Variants in RBFOX1 observed in about 807,000 individuals in gnomAD.
RBFOX1 encodes the protein RNA binding fox-1 homolog 1, also known as RNA binding protein fox-1 homolog 1.
In RBFOX1, 8 loss-of-function variants were observed where a neutral mutation model predicts 57.7. The observed-to-expected ratio is 0.14, with a 90% confidence interval of 0.08 to 0.25. RBFOX1 has a LOEUF of 0.25. Ranked by LOEUF, RBFOX1 falls within the 10% of genes least tolerant of loss-of-function variation. The pLI is 1.00. For synonymous variants in RBFOX1, 326 were observed against 222.4 expected (o/e 1.47, Z -4.15); for missense variants, 611 against 548.5 (o/e 1.11, Z -1.14).
At chr16:6,193,772 C>T (rs2097162389) in intron 1 of RBFOX1, among the ~76,000 whole-genome samples, 1 of 152,000 alleles carries the variant, frequency 6.6e-6, no homozygotes, top group Non-Finnish European at 1.5e-5. Context: ...CTGTTTTACC[C>T]TCCCCACTGG....
chr16:5,833,519 A>AGAAATCT, intron 3 of RBFOX1, among the ~76,000 whole-genome samples: 1 of 151,716 alleles, frequency 6.6e-6, no homozygotes, highest in South Asian at 2.1e-4. Flanking sequence ...AAAAAAAGAA[A>AGAAATCT]GAAATCTGTA....
At chr16:5,896,842 G>A (rs904795251) in intron 4 of RBFOX1, among the ~76,000 whole-genome samples, 1 of 152,006 alleles carries the variant, frequency 6.6e-6, no homozygotes, top group Non-Finnish European at 1.5e-5. Context: ...AGCATCAACA[G>A]CATCACTATA....
At chr16:5,576,051 A>G (rs1299784145) in intron 2 of RBFOX1, among the ~76,000 whole-genome samples, 7 of 151,960 alleles carry the variant, frequency 4.6e-5, no homozygotes, top group African/African-American at 1.7e-4. Context: ...CAGTGGTGCA[A>G]TCTTGGCTTA....
At chr16:6,251,250 C>T (rs994181652) in intron 1 of RBFOX1, among the ~76,000 whole-genome samples, 1 of 152,116 alleles carries the variant, frequency 6.6e-6, no homozygotes, top group African/African-American at 2.4e-5. Context: ...ACAAAACAAA[C>T]CCCAGAGAGT....
At chr16:6,497,720 C>A (rs1269567128) in intron 2 of RBFOX1, among the ~76,000 whole-genome samples, 9 of 151,914 alleles carry the variant, frequency 5.9e-5, no homozygotes, top group African/African-American at 2.2e-4. Flanking sequence ...CCATGCCTGG[C>A]TAATTTTTGT....
At position 6,070,739 on chromosome 16, in the gene RBFOX1, A is replaced by T. The variant is rs147672945; in HGVS notation, c.-127+50747A>T. 2.6e-4 allele frequency among the ~76,000 whole-genome samples: 40 copies of T among 152,190 alleles called. No individual in the cohort carries two copies. The East Asian group carries it at 7.5e-3, about 29-fold the overall frequency. ...TTTTGACCCTTTATCATTGCAATTC[A>T]TAATAAATGTATTTTTTGTCCTCTA... is the stretch of plus-strand genomic sequence containing the variant. On this transcript the variant is annotated intron_variant, in intron 1 of 15. Coordinates refer to ENST00000550418, the MANE Select transcript of RBFOX1 (RefSeq NM_018723.4).
chr16:6,950,437 G>C (rs1234381371), intron 3 of RBFOX1, among the ~76,000 whole-genome samples: 2 of 152,122 alleles, frequency 1.3e-5, no homozygotes, highest in Non-Finnish European at 2.9e-5. Flanking sequence ...TGATTCAGCA[G>C]TTTGGTATCC....
intron 4 of RBFOX1, among the ~76,000 whole-genome samples, chr16:7,459,972 G>A (rs1167998881): frequency 6.6e-6 from 1 of 152,052 alleles, no homozygotes; most frequent in Non-Finnish European, 1.5e-5. Context: ...ACAAGTAATT[G>A]AAAATGGAAA....
At chr16:6,502,793 G>A (rs909530257) in intron 2 of RBFOX1, among the ~76,000 whole-genome samples, 5 of 152,134 alleles carry the variant, frequency 3.3e-5, no homozygotes, top group African/African-American at 1.2e-4. Flanking sequence ...AGACATGGAT[G>A]TAAGATACTT....
At chr16:5,350,043 A>G (rs994670878) in intron 1 of RBFOX1, among the ~76,000 whole-genome samples, 3 of 152,254 alleles carry the variant, frequency 2.0e-5, no homozygotes, top group Non-Finnish European at 2.9e-5. Context: ...CTTTAATAGA[A>G]CTGGCGCTTG....
chr16:7,174,184 C>CTT (rs142061515), intron 4 of RBFOX1, among the ~76,000 whole-genome samples: 3 of 150,248 alleles, frequency 2.0e-5, no homozygotes, highest in African/African-American at 4.9e-5. Flanking sequence ...CCATGATAAA[C>CTT]TTTTTTTTTT....
At chr16:6,707,377 C>T (rs1325341326) in intron 3 of RBFOX1, among the ~76,000 whole-genome samples, 2 of 151,798 alleles carry the variant, frequency 1.3e-5, no homozygotes, top group East Asian at 1.9e-4. Context: ...ATGTTAAAAA[C>T]ATCATTTTAG....
intron 2 of RBFOX1, among the ~76,000 whole-genome samples, chr16:5,544,041 C>A (rs1442110978): frequency 1.3e-5 from 2 of 152,174 alleles, no homozygotes; most frequent in African/African-American, 4.8e-5. Flanking sequence ...TGCAAATGAC[C>A]TGAACAATGT....
intron 2 of RBFOX1, among the ~76,000 whole-genome samples, chr16:6,435,495 G>A (rs552947566): frequency 6.6e-6 from 1 of 152,100 alleles, no homozygotes; most frequent in South Asian, 2.1e-4. Flanking sequence ...TTAGAGGTGG[G>A]GTTTCCCCAT....
At chr16:7,291,553 C>T (rs1487565396) in intron 4 of RBFOX1, among the ~76,000 whole-genome samples, 7 of 152,126 alleles carry the variant, frequency 4.6e-5, no homozygotes, top group Admixed American at 1.3e-4. Context: ...AAATGTTCAG[C>T]TTTCAAGATT....
Position 6,019,781 on chromosome 16 carries a change from C to G in RBFOX1, c.-338C>G. The G allele has an allele frequency of 1.4e-6, 2 of 1,441,428 alleles. No individual in the cohort carries two copies. The highest frequency in any genetic ancestry group is 1.8e-6 in the Non-Finnish European group (2 of 1,095,362). 89.3% of individuals were successfully genotyped at this position (1,441,428 alleles called of 1,614,324 possible). On this transcript the variant is annotated 5_prime_UTR_variant, in exon 1 of 16. Transcript: ENST00000550418. The surrounding 1 kb of genome is among the most constrained non-coding windows in gnomAD (Gnocchi z 4.2). ...ACCCCCACCCAGTGGCCGCCAGGGT[C>G]CCCGCCTGTCCGGACCCTCGCCGCG...
intron 4 of RBFOX1, among the ~76,000 whole-genome samples, chr16:7,206,023 C>T (rs1187146817): frequency 6.6e-6 from 1 of 152,220 alleles, no homozygotes; most frequent in Admixed American, 6.5e-5. Context: ...GTGGCTTGCC[C>T]ACCCAGAGGC....
chr16:6,195,824 C>T (rs1271178933), intron 1 of RBFOX1, among the ~76,000 whole-genome samples: 2 of 151,886 alleles, frequency 1.3e-5, no homozygotes, highest in African/African-American at 4.8e-5. Context: ...GTCACGGAAG[C>T]AGTAGCCATT....
intron 1 of RBFOX1, among the ~76,000 whole-genome samples, chr16:5,349,530 G>A (rs927010488): frequency 6.6e-6 from 1 of 152,048 alleles, no homozygotes; most frequent in Admixed American, 6.6e-5. Context: ...AAAATTAGCC[G>A]GGCGTGGTGG....
Sources: gnomAD v4.1 joint callset for allele counts (sites outside exome capture counted in the v4.1 genomes callset) on GRCh38, gnomAD v4.1.1 for gene constraint, Gnocchi (gnomAD v3.1) non-coding constraint, MANE v1.5 for transcripts, NCBI Gene and HGNC (gene_info 2026-07-23, HGNC 2026-07-21) for gene names.